The following CACNA2D3 variants were observed in gnomAD, a reference collection of about 807,000 sequenced individuals.
The protein encoded by CACNA2D3 is voltage-dependent calcium channel subunit alpha-2/delta-3.
In CACNA2D3, 60 loss-of-function variants were observed where a neutral mutation model predicts 160.6. That is an observed-to-expected ratio of 0.37 (90% CI 0.30 to 0.46). The LOEUF is 0.46. Ranked by LOEUF, CACNA2D3 falls within the 20% of genes least tolerant of loss-of-function variation. The pLI, the probability that CACNA2D3 is intolerant of heterozygous loss-of-function variation, is 1.00. For missense variants in CACNA2D3, 1,205 were observed against 1,365.0 expected (o/e 0.88, Z 1.85); for synonymous variants, 558 against 492.9 (o/e 1.13, Z -1.75).
intron 2 of CACNA2D3, among the ~76,000 whole-genome samples, chr3:54,219,974 C>G (rs1163016639): frequency 6.6e-6 from 1 of 152,096 alleles, no homozygotes; most frequent in Admixed American, 6.5e-5. Context: ...AAACCTCAAG[C>G]CTGTTTTTGC....
In CACNA2D3 at chr3:54,960,621, A is replaced by G. The variant is rs529096920; in HGVS notation, c.2450-7829A>G. 2.6e-5 allele frequency among the ~76,000 whole-genome samples: 4 copies of G among 152,318 alleles called. No individual in the cohort carries two copies. The South Asian group carries it at 6.2e-4, about 24-fold the overall frequency. On this transcript the variant is annotated intron_variant, in intron 27 of 37. Transcript: ENST00000474759. ...TGTTGCTGATCATTCTCCCTTGCCT[A>G]TAATCTTCTAAGAAAGCTTTTGAAT...
At chr3:54,156,713 G>A (rs1700251952) in intron 2 of CACNA2D3, among the ~76,000 whole-genome samples, 1 of 152,192 alleles carries the variant, frequency 6.6e-6, no homozygotes. Context: ...AGAAGCTGAA[G>A]CGCTGGACAA....
intron 11 of CACNA2D3, among the ~76,000 whole-genome samples, chr3:54,676,069 CCTTA>C (rs1352990833): frequency 2.6e-5 from 4 of 152,176 alleles, no homozygotes; most frequent in East Asian, 1.9e-4. Context: ...GCTGACCACC[CCTTA>C]CTTCCCTGAG....
At chr3:54,686,847 T>C (rs1700456793) in intron 11 of CACNA2D3, among the ~76,000 whole-genome samples, 1 of 152,180 alleles carries the variant, frequency 6.6e-6, no homozygotes, top group Non-Finnish European at 1.5e-5. Context: ...CCAGTCTGAT[T>C]TCAAGGCTCG....
chr3:54,351,712 C>T (rs549997350), intron 3 of CACNA2D3, among the ~76,000 whole-genome samples: 11 of 152,338 alleles, frequency 7.2e-5, no homozygotes, highest in African/African-American at 2.6e-4. Flanking sequence ...TCTGCCCTAG[C>T]CTCTCTGCCT....
Position 54,767,186 on chromosome 3 carries a change from G to A in CACNA2D3, c.1380+2835G>A, listed in dbSNP as rs190968608. On this transcript the variant is annotated intron_variant, in intron 13 of 37. Coordinates refer to ENST00000474759, the MANE Select transcript of CACNA2D3 (RefSeq NM_018398.3). ...ATTCAAAAATTAAACAAGATTGGGG[G>A]GAAATTAAAAGTGAATGCAAACAGA... Among the ~76,000 whole-genome samples, 183 of 151,806 alleles carry A rather than the reference G, an allele frequency of 1.2e-3. 2 individuals are homozygous for A. Among genetic ancestry groups the A allele is most frequent in the Non-Finnish European group, 2.5e-4 (17 of 67,936 alleles).
chr3:54,495,294 T>C (rs1204949145), intron 4 of CACNA2D3, among the ~76,000 whole-genome samples: 2 of 152,234 alleles, frequency 1.3e-5, no homozygotes, highest in Non-Finnish European at 2.9e-5. Context: ...TTCTATAAAC[T>C]TCTTGAATTA....
intron 2 of CACNA2D3, among the ~76,000 whole-genome samples, chr3:54,314,346 G>A (rs998062908): frequency 5.9e-5 from 9 of 152,154 alleles, no homozygotes; most frequent in Non-Finnish European, 1.2e-4. Flanking sequence ...TTCCGATAGC[G>A]AATTGTGCCA....
At chr3:54,712,553 C>T (rs988722537) in intron 11 of CACNA2D3, among the ~76,000 whole-genome samples, 3 of 152,220 alleles carry the variant, frequency 2.0e-5, no homozygotes, top group African/African-American at 2.4e-5. Flanking sequence ...TCTGCCACCA[C>T]GTGAGATGTG....
At chr3:54,586,794 T>G (rs545597668) in intron 9 of CACNA2D3, among the ~76,000 whole-genome samples, 4 of 152,274 alleles carry the variant, frequency 2.6e-5, no homozygotes, top group Non-Finnish European at 5.9e-5. Context: ...ACCTTAAAAT[T>G]AAATCTTTAA....
intron 2 of CACNA2D3, among the ~76,000 whole-genome samples, chr3:54,138,193 G>A (rs1699854248): frequency 6.6e-6 from 1 of 152,252 alleles, no homozygotes; most frequent in Non-Finnish European, 1.5e-5. Flanking sequence ...GTCTGAACAT[G>A]AAGCCTGGAC....
chr3:54,273,386 C>T (rs1246832578), intron 2 of CACNA2D3, among the ~76,000 whole-genome samples: 1 of 152,166 alleles, frequency 6.6e-6, no homozygotes, highest in African/African-American at 2.4e-5. Flanking sequence ...GTCTGTCTCT[C>T]TCACGCACAC....
intron 3 of CACNA2D3, among the ~76,000 whole-genome samples, chr3:54,335,482 A>G (rs938378614): frequency 2.0e-5 from 3 of 152,190 alleles, no homozygotes; most frequent in African/African-American, 4.8e-5. Context: ...GTAAACTGTC[A>G]TGGTGCTGGT....
chr3:54,204,277 A>G (rs1272008062), intron 2 of CACNA2D3, among the ~76,000 whole-genome samples: 1 of 152,166 alleles, frequency 6.6e-6, no homozygotes, highest in East Asian at 1.9e-4. Flanking sequence ...CTCCATATAT[A>G]TATACACATA....
chr3:54,467,043 TA>T (rs1700640872), intron 4 of CACNA2D3, among the ~76,000 whole-genome samples: 1 of 152,236 alleles, frequency 6.6e-6, no homozygotes, highest in African/African-American at 2.4e-5. Flanking sequence ...AAAAGTTAAA[TA>T]TTTTTTGGTA....
intron 36 of CACNA2D3, 93 bp from the exon 37 acceptor site, chr3:55,073,684 G>GT (rs1704872409): frequency 8.1e-7 from 1 of 1,237,144 alleles, no homozygotes; most frequent in African/African-American, 1.5e-5. Context: ...GAGAGAGAGA[G>GT]TAGTTAAGAG....
At chr3:54,663,836 G>C (rs984123877) in intron 11 of CACNA2D3, among the ~76,000 whole-genome samples, 1 of 152,220 alleles carries the variant, frequency 6.6e-6, no homozygotes, top group African/African-American at 2.4e-5. Flanking sequence ...ATGCAGTGTG[G>C]AAGATGGCCA....
intron 2 of CACNA2D3, among the ~76,000 whole-genome samples, chr3:54,201,777 C>A (rs938903521): frequency 2.0e-5 from 3 of 152,068 alleles, no homozygotes; most frequent in Admixed American, 6.5e-5. Flanking sequence ...ACAGAGAAAT[C>A]GTTTCATTCT....
At chr3:54,297,196 G>A (rs947135216) in intron 2 of CACNA2D3, among the ~76,000 whole-genome samples, 1 of 152,192 alleles carries the variant, frequency 6.6e-6, no homozygotes, top group African/African-American at 2.4e-5. Flanking sequence ...CCCAGGTTGT[G>A]CTTTGGTAAA....
Sources: allele counts gnomAD v4.1 joint callset (sites outside exome capture counted in the v4.1 genomes callset), GRCh38; gene constraint gnomAD v4.1.1; transcripts MANE v1.5; gene names NCBI Gene and HGNC (gene_info 2026-07-23, HGNC 2026-07-21).